Variants in FRS2 observed in about 807,000 individuals in gnomAD.
FRS2 encodes FGFR signalling adaptor.
A neutral mutation model predicts 43.9 loss-of-function variants in FRS2; 8 were observed. The observed-to-expected ratio is 0.18, with a 90% CI of 0.11 to 0.33. The LOEUF is 0.33. Ranked by LOEUF, FRS2 falls within the 10% of genes least tolerant of loss-of-function variation. The pLI, the probability that FRS2 is intolerant of heterozygous loss-of-function variation, is 1.00. For missense variants in FRS2, 534 were observed against 627.6 expected (o/e 0.85, Z 1.59); for synonymous variants, 219 against 220.3 (o/e 0.99, Z 0.05).
intron 7 of FRS2, 39 bp from the exon 8 acceptor site, chr12:69,572,079 C>T (rs752339840): frequency 6.4e-7 from 1 of 1,559,936 alleles, no homozygotes; most frequent in Non-Finnish European, 8.8e-7. Flanking sequence ...TCTCTCTGCC[C>T]CGCCCCCCTT....
intron 3 of FRS2, among the ~76,000 whole-genome samples, chr12:69,548,539 C>G (rs1279933952): frequency 6.6e-6 from 1 of 152,196 alleles, no homozygotes; most frequent in East Asian, 1.9e-4. Flanking sequence ...AGCTGTTGAT[C>G]GTGGTTCTTT....
intron 1 of FRS2, among the ~76,000 whole-genome samples, chr12:69,519,088 TGTGTTTTATAC>T (rs1474429756): frequency 6.6e-6 from 1 of 151,552 alleles, no homozygotes; most frequent in East Asian, 1.9e-4. Context: ...GGGGCCAAGG[TGTGTTTTATAC>T]AAATTGCATC....
chr12:69,560,877 G>A (rs1186966542), intron 3 of FRS2, among the ~76,000 whole-genome samples: 4 of 152,106 alleles, frequency 2.6e-5, no homozygotes, highest in African/African-American at 9.7e-5. Context: ...TCATTTCAAA[G>A]CTTATGACTT....
chr12:69,556,388 A>G (rs894409141), intron 3 of FRS2, among the ~76,000 whole-genome samples: 4 of 151,146 alleles, frequency 2.6e-5, no homozygotes, highest in African/African-American at 9.7e-5. Context: ...CCTGGAGTGC[A>G]ATGGCGAGAT....
At chr12:69,488,093 T>C (rs1872120465) in intron 1 of FRS2, among the ~76,000 whole-genome samples, 1 of 152,244 alleles carries the variant, frequency 6.6e-6, no homozygotes, top group African/African-American at 2.4e-5. Flanking sequence ...GTTAAAATGA[T>C]AACAAAAGAT....
Position 69,570,334 on chromosome 12 carries a change from A to G in FRS2, c.70A>G (p.Ile24Val). ...GACTGTCACCTTCTTTTTTTAGGTC[A>G]TTAATGTGGATGATGATGGGAATGA... is the stretch of plus-strand genomic sequence containing the variant. Reference protein sequence around the residue: ...PDNHRNKFKVINVDDDGNELG... With the variant: ...PDNHRNKFKVVNVDDDGNELG... Residue 24 changes from isoleucine to valine, a missense_variant, in exon 6 of 9, where the codon ATT (isoleucine) becomes GTT (valine). Coordinates refer to ENST00000549921, the MANE Select transcript of FRS2 (RefSeq NM_001278356.2). The G allele has an allele frequency of 6.2e-7, 1 of 1,612,034 alleles. No homozygotes were observed. The highest frequency in any genetic ancestry group is 8.5e-7 in the Non-Finnish European group (1 of 1,178,168).
At chr12:69,480,507 T>C (rs991306928) in intron 1 of FRS2, 1 of 152,216 alleles carries the variant, frequency 6.6e-6, no homozygotes, top group East Asian at 1.9e-4. Flanking sequence ...CAGGCTGGAG[T>C]GCAGTGACTC....
rs1881103191 is a variant in FRS2, at chr12:69,575,135, C to T, written c.*180C>T. 1.8e-6 allele frequency: 1 copy of T among 566,462 alleles called. No individual in the cohort carries two copies. Among genetic ancestry groups the T allele is most frequent in the Middle Eastern group, 4.6e-4 (1 of 2,196 alleles). 35.1% of individuals were successfully genotyped at this position (566,462 alleles called of 1,614,324 possible). ...TGTAGAGCAGGTACTCCTTAAAGAA[C>T]ACTAATTTCATTATATACTACTCGT... On this transcript the variant is annotated 3_prime_UTR_variant, in exon 9 of 9. Coordinates refer to ENST00000549921, the MANE Select transcript of FRS2 (RefSeq NM_001278356.2).
chr12:69,502,518 G>A (rs698133), intron 1 of FRS2, among the ~76,000 whole-genome samples: 57,157 of 151,818 alleles, frequency 0.38, 11,243 homozygotes, highest in South Asian at 0.58. Flanking sequence ...ATAGGTGTGA[G>A]TCACCATGCC....
At chr12:69,532,366 A>G (rs1287931537) in intron 3 of FRS2, among the ~76,000 whole-genome samples, 5 of 152,214 alleles carry the variant, frequency 3.3e-5, no homozygotes, top group African/African-American at 7.2e-5. Context: ...ATTGGGGCTC[A>G]TTTATCTTTT....
chr12:69,523,847 A>C (rs919850737), intron 1 of FRS2, among the ~76,000 whole-genome samples: 9 of 152,140 alleles, frequency 5.9e-5, no homozygotes, highest in African/African-American at 1.9e-4. Context: ...GTTTGGCCGG[A>C]TATTAAATTC....
At chr12:69,545,778 A>C (rs989389065) in intron 3 of FRS2, among the ~76,000 whole-genome samples, 1 of 132,122 alleles carries the variant, frequency 7.6e-6, no homozygotes, top group Non-Finnish European at 1.6e-5. Context: ...AAAAAAAAAA[A>C]CAAAAACAAA....
intron 1 of FRS2, among the ~76,000 whole-genome samples, chr12:69,520,456 A>G (rs1006176669): frequency 1.7e-4 from 25 of 148,828 alleles, no homozygotes; most frequent in African/African-American, 5.7e-4. Context: ...TTTTGTTGCA[A>G]TTGCTTTTGG....
intron 1 of FRS2, among the ~76,000 whole-genome samples, chr12:69,492,333 G>A (rs1159406648): frequency 1.1e-4 from 17 of 152,186 alleles, no homozygotes; most frequent in Admixed American, 1.1e-3. Context: ...TGGAGTAACA[G>A]GGAAATGGGA....
intron 1 of FRS2, among the ~76,000 whole-genome samples, chr12:69,499,672 G>A (rs1873251386): frequency 6.6e-6 from 1 of 151,944 alleles, no homozygotes; most frequent in Admixed American, 6.6e-5. Context: ...TGAATGAGCT[G>A]GTAAATTCTG....
chr12:69,540,675 T>C (rs1207322309), intron 3 of FRS2, among the ~76,000 whole-genome samples: 3 of 152,344 alleles, frequency 2.0e-5, no homozygotes, highest in Admixed American at 6.5e-5. Flanking sequence ...TCCTTAAGTG[T>C]GGGCTGTGCA....
At chr12:69,525,880 A>G (rs781742370) in intron 1 of FRS2, among the ~76,000 whole-genome samples, 3 of 151,830 alleles carry the variant, frequency 2.0e-5, no homozygotes, top group Non-Finnish European at 2.9e-5. Flanking sequence ...TTTGAGATGG[A>G]GTTTTGCTCT....
chr12:69,531,565 T>C (rs1461118491), intron 2 of FRS2, among the ~76,000 whole-genome samples: 1 of 151,904 alleles, frequency 6.6e-6, no homozygotes, highest in East Asian at 1.9e-4. Context: ...GTGGTGAAAA[T>C]ATTATGGAAT....
At chr12:69,512,710 A>T (rs1176827892) in intron 1 of FRS2, among the ~76,000 whole-genome samples, 1 of 152,230 alleles carries the variant, frequency 6.6e-6, no homozygotes, top group East Asian at 1.9e-4. Context: ...TTTACTTTAT[A>T]ACACATCCCG....
Sources: allele counts gnomAD v4.1 joint callset (sites outside exome capture counted in the v4.1 genomes callset), GRCh38; gene constraint gnomAD v4.1.1; transcripts MANE v1.5; gene names NCBI Gene and HGNC (gene_info 2026-07-23, HGNC 2026-07-21).